Variants in PAK6 observed in about 807,000 individuals in gnomAD.
PAK6 encodes the protein serine/threonine-protein kinase PAK 6.
Under a neutral mutation model 60.8 loss-of-function variants are expected in PAK6, and 33 were observed. The ratio of observed to expected loss-of-function variants is 0.54; its 90% CI spans 0.41 to 0.73. The LOEUF is 0.73. Among genes scored for constraint, PAK6 ranks in the 30% least tolerant of loss-of-function variants. PAK6 has a pLI of 0.00. For missense variants in PAK6, 845 were observed against 904.1 expected, an observed-to-expected ratio of 0.93 and a Z score of 0.84; for synonymous variants, 404 against 378.5, an observed-to-expected ratio of 1.07 and a Z score of -0.78.
chr15:40,273,514 C>T, intron 8 of PAK6, 37 bp from the exon 9 acceptor site: 1 of 1,613,818 alleles, frequency 6.2e-7, no homozygotes, highest in Non-Finnish European at 8.5e-7. Context: ...GCTCCCACTT[C>T]CTCCTGATCC....
intron 2 of PAK6, chr15:40,245,875 G>A (rs2038482216): frequency 6.6e-6 from 1 of 152,438 alleles, no homozygotes; most frequent in South Asian, 2.1e-4. Flanking sequence ...AGCAGCCACT[G>A]GGTAACTTGA....
exon 11 of PAK6, chr15:40,275,958 G>A (rs147232997): frequency 4.3e-6 from 7 of 1,613,248 alleles, no homozygotes; most frequent in South Asian, 3.3e-5. Context: ...TTCCTGGAGC[G>A]GATGCTGGTG....
At chr15:40,239,481 C>T (rs1481312579) in exon 1 of PAK6, 1 of 152,540 alleles carries the variant, frequency 6.6e-6, no homozygotes, top group African/African-American at 2.4e-5. Flanking sequence ...TCTCCCCTCC[C>T]TACCTTGGGC....
intron 3 of PAK6, among the ~76,000 whole-genome samples, chr15:40,254,259 C>T (rs1426849954): frequency 1.3e-5 from 2 of 152,200 alleles, no homozygotes; most frequent in Non-Finnish European, 2.9e-5. Flanking sequence ...CCTCATCAGC[C>T]TCCAGCTGCT....
chr15:40,262,482 C>T (rs997203383), intron 3 of PAK6, among the ~76,000 whole-genome samples: 14 of 151,872 alleles, frequency 9.2e-5, no homozygotes, highest in African/African-American at 2.9e-4. Flanking sequence ...CCAGTCTGGG[C>T]GACAGGGCGG....
intron 4 of PAK6, among the ~76,000 whole-genome samples, 168 bp downstream of exon 4, chr15:40,265,157 C>T (rs1407153888): frequency 6.6e-6 from 1 of 152,208 alleles, no homozygotes. Flanking sequence ...CCTGGGTAAG[C>T]CAGGGCGAAG....
exon 6 of PAK6, chr15:40,272,352 C>T (rs1460865800): frequency 6.2e-7 from 1 of 1,613,818 alleles, no homozygotes; most frequent in South Asian, 1.1e-5. Context: ...CCAGCAGCCC[C>T]CAGAAGTCCC....
exon 2 of PAK6, chr15:40,240,677 C>G: frequency 4.5e-6 from 2 of 447,800 alleles, no homozygotes; most frequent in South Asian, 3.1e-5. Context: ...GAAGGAGCAG[C>G]CACGGTAAGG....
chr15:40,276,365 G>A, exon 11 of PAK6: 2 of 463,318 alleles, frequency 4.3e-6, no homozygotes, highest in Non-Finnish European at 3.9e-6. Context: ...AAACGCAGAG[G>A]CCAGCGTTCC....
exon 7 of PAK6, chr15:40,272,931 C>T (rs771199033): frequency 1.7e-5 from 28 of 1,614,040 alleles, no homozygotes; most frequent in South Asian, 8.8e-5. Flanking sequence ...ACCTGGTGGG[C>T]GAGGAGCTGT....
chr15:40,259,095 G>C (rs1441931228), intron 3 of PAK6: 3 of 152,298 alleles, frequency 2.0e-5, no homozygotes, highest in African/African-American at 7.2e-5. Context: ...CTGAGGGGGA[G>C]TCCCCTTCCT....
intron 2 of PAK6, chr15:40,252,402 G>T: frequency 7.4e-7 from 1 of 1,344,716 alleles, no homozygotes. Context: ...GCGGGAACTG[G>T]GGCCAAGCAG....
intron 3 of PAK6, chr15:40,258,789 T>A (rs1818418511): frequency 1.4e-5 from 2 of 143,146 alleles, no homozygotes; most frequent in Admixed American, 1.4e-4. Flanking sequence ...GCTGGACCCT[T>A]CCCTCCCAGG....
chr15:40,267,204 T>A (rs1160526839), intron 5 of PAK6, among the ~76,000 whole-genome samples: 1 of 151,640 alleles, frequency 6.6e-6, no homozygotes, highest in Admixed American at 6.6e-5. Flanking sequence ...GCATGGGTAA[T>A]GGAGCCTCCC....
intron 3 of PAK6, among the ~76,000 whole-genome samples, chr15:40,255,020 G>A (rs1248671182): frequency 6.6e-6 from 1 of 152,170 alleles, no homozygotes; most frequent in African/African-American, 2.4e-5. Flanking sequence ...ATAGAGGTCT[G>A]GAAAGTTAAG....
rs141246800 is a variant in PAK6 at position 40,242,951 on chromosome 15, T to C, written c.-118+2270T>C. 2.6e-5 allele frequency among the ~76,000 whole-genome samples: 4 copies of C among 152,222 alleles called. No homozygotes were observed. The East Asian group carries it at 7.7e-4, about 29-fold the overall frequency. On this transcript the variant is annotated intron_variant, in intron 2 of 10. Transcript: ENST00000560346. Reference sequence around the variant, plus strand: ...CAGGACAGAGCTCTTGCCCTGGGGATGCTCATAGCCCTGCAGCAGAGCAGT... The same window carrying C: ...CAGGACAGAGCTCTTGCCCTGGGGACGCTCATAGCCCTGCAGCAGAGCAGT...
At chr15:40,255,879 C>A (rs938992529) in intron 3 of PAK6, among the ~76,000 whole-genome samples, 2 of 152,064 alleles carry the variant, frequency 1.3e-5, no homozygotes, top group Non-Finnish European at 2.9e-5. Context: ...AAGGTCAGAC[C>A]CCGTCAGGAG....
rs764426212 is a variant in PAK6 at position 40,266,320 on chromosome 15, GGCCACAGTCCTGCCTGGTGGGCTCA to G, written c.691_715del (p.Ser231AlafsTer18). 4 of 1,612,016 alleles carry G rather than the reference GGCCACAGTCCTGCCTGGTGGGCTCA, an allele frequency of 2.5e-6. No homozygotes were observed. Among genetic ancestry groups the G allele is most frequent in the Non-Finnish European group, 3.4e-6 (4 of 1,179,726 alleles). On this transcript the variant is annotated frameshift_variant, in exon 5 of 11. Coordinates refer to ENST00000560346, the Ensembl canonical transcript of PAK6. LOFTEE classifies it high-confidence loss of function. ...GCCAAGCATGGCTCTGAGGAGGCCC[GGCCACAGTCCTGCCTGGTGGGCTCA>G]GCCACAGGCAGGCCAGGTGGGGAAG... is the stretch of plus-strand genomic sequence containing the variant.
rs142068635 is a variant in PAK6, at chr15:40,243,807, G to A, written c.-118+3126G>A. On this transcript the variant is annotated intron_variant, in intron 2 of 10. Transcript: ENST00000560346. ...TCTGGGGTCTAGACTTGGAGGTCTT[G>A]AGGACTTGAAGTGGGCTGCCCCTAG... 2.3e-3 allele frequency among the ~76,000 whole-genome samples: 354 copies of A among 152,342 alleles called. 1 individual carries two copies. The highest frequency in any genetic ancestry group is 8.2e-3 in the African/African-American group (339 of 41,570).
Sources: allele counts gnomAD v4.1 joint callset (sites outside exome capture counted in the v4.1 genomes callset), GRCh38; gene constraint gnomAD v4.1.1; transcripts MANE v1.5; gene names NCBI Gene and HGNC (gene_info 2026-07-23, HGNC 2026-07-21).